The following UNC5C variants were observed in gnomAD, a reference collection of about 807,000 sequenced individuals.
UNC5C encodes netrin receptor UNC5C.
UNC5C carries 47 observed loss-of-function variants against 99.8 expected under a neutral mutation model. That is an observed-to-expected ratio of 0.47 (90% CI 0.37 to 0.60). UNC5C has a LOEUF of 0.60. UNC5C is among the 20% of genes least tolerant of loss of function. The pLI is 0.00. For synonymous variants in UNC5C, 487 were observed against 452.2 expected, an observed-to-expected ratio of 1.08 and a Z score of -0.98; for missense variants, 1,062 against 1,165.9, an observed-to-expected ratio of 0.91 and a Z score of 1.30.
intron 1 of UNC5C, among the ~76,000 whole-genome samples, chr4:95,372,491 G>C (rs193148838): frequency 2.1e-4 from 32 of 152,198 alleles, no homozygotes; most frequent in Admixed American, 2.0e-3. Flanking sequence ...GGGAAAGGTT[G>C]CTCTGTTAGG....
intron 4 of UNC5C, among the ~76,000 whole-genome samples, chr4:95,277,915 A>G (rs758503722): frequency 2.2e-4 from 34 of 152,358 alleles, no homozygotes; most frequent in Middle Eastern, 3.4e-3. Flanking sequence ...CATTTTTCGC[A>G]TATCAGCAAG....
intron 1 of UNC5C, among the ~76,000 whole-genome samples, chr4:95,503,529 T>C (rs17384439): frequency 0.036 from 5,430 of 152,236 alleles, 134 homozygotes; most frequent in Non-Finnish European, 0.054. Context: ...TAGAGAGTCA[T>C]TTGACATAAT....
intron 1 of UNC5C, among the ~76,000 whole-genome samples, chr4:95,388,752 T>C (rs1745277247): frequency 6.6e-6 from 1 of 152,180 alleles, no homozygotes. Flanking sequence ...TTATCTCCAT[T>C]CTAGAATGAG....
intron 1 of UNC5C, among the ~76,000 whole-genome samples, chr4:95,455,055 A>T (rs1212444774): frequency 2.0e-5 from 3 of 152,118 alleles, no homozygotes; most frequent in Non-Finnish European, 2.9e-5. Flanking sequence ...TAAGACTGAA[A>T]CAGAATGGAA....
intron 1 of UNC5C, among the ~76,000 whole-genome samples, chr4:95,477,266 T>C (rs960879172): frequency 1.6e-4 from 24 of 151,998 alleles, no homozygotes; most frequent in Non-Finnish European, 3.4e-4. Context: ...GCAGGCCACA[T>C]TTTTGGAAAT....
At chr4:95,193,980 T>C (rs1560725081) in intron 12 of UNC5C, among the ~76,000 whole-genome samples, 1 of 152,102 alleles carries the variant, frequency 6.6e-6, no homozygotes, top group Non-Finnish European at 1.5e-5. Context: ...CCTTACTTCT[T>C]CCCTAATAAT....
intron 1 of UNC5C, among the ~76,000 whole-genome samples, chr4:95,490,422 AC>A (rs1381737635): frequency 1.1e-4 from 17 of 151,608 alleles, no homozygotes; most frequent in African/African-American, 2.7e-4. Context: ...TATATAAAAA[AC>A]CCCTATGTTA....
intron 4 of UNC5C, among the ~76,000 whole-genome samples, chr4:95,265,453 TTC>T (rs1168595836): frequency 1.2e-4 from 18 of 152,204 alleles, no homozygotes; most frequent in Non-Finnish European, 2.2e-4. Context: ...GGAGTTGAAT[TTC>T]TCTTTTCCAT....
At chr4:95,539,712 A>G (rs1186722214) in intron 1 of UNC5C, among the ~76,000 whole-genome samples, 2 of 151,970 alleles carry the variant, frequency 1.3e-5, no homozygotes, top group East Asian at 3.9e-4. Flanking sequence ...AGTGAACTAT[A>G]TTTGTCTTCT....
intron 1 of UNC5C, among the ~76,000 whole-genome samples, chr4:95,446,573 T>C (rs1747113087): frequency 6.6e-6 from 1 of 151,912 alleles, no homozygotes; most frequent in African/African-American, 2.4e-5. Flanking sequence ...ATTTTGGAGG[T>C]GAGGAAAATG....
At chr4:95,280,699 A>ACAACAACAACAG (rs1479534746) in intron 3 of UNC5C, among the ~76,000 whole-genome samples, 2 of 151,882 alleles carry the variant, frequency 1.3e-5, no homozygotes, top group Non-Finnish European at 2.9e-5. Flanking sequence ...AACAACAACA[A>ACAACAACAACAG]CAACAACAAC....
At chr4:95,486,859 T>A (rs1721341707) in intron 1 of UNC5C, among the ~76,000 whole-genome samples, 2 of 151,712 alleles carry the variant, frequency 1.3e-5, no homozygotes, top group South Asian at 4.2e-4. Flanking sequence ...AAAAACCATT[T>A]GCTGGAAACT....
At chr4:95,475,071 C>T (rs1450753880) in intron 1 of UNC5C, among the ~76,000 whole-genome samples, 1 of 152,120 alleles carries the variant, frequency 6.6e-6, no homozygotes. Context: ...GCTATGTAGT[C>T]TAACAAGCAG....
chr4:95,487,676 A>C (rs1460429216), intron 1 of UNC5C, among the ~76,000 whole-genome samples: 1 of 151,710 alleles, frequency 6.6e-6, no homozygotes, highest in African/African-American at 2.4e-5. Context: ...ACTCTCTCCT[A>C]CCACATCCTA....
At chr4:95,269,681 T>C (rs1740584004) in intron 4 of UNC5C, among the ~76,000 whole-genome samples, 2 of 152,130 alleles carry the variant, frequency 1.3e-5, no homozygotes, top group African/African-American at 2.4e-5. Flanking sequence ...ATAATCTATG[T>C]ACCACAGTTA....
intron 3 of UNC5C, among the ~76,000 whole-genome samples, chr4:95,290,035 G>T (rs1269710591): frequency 3.3e-5 from 5 of 152,102 alleles, no homozygotes; most frequent in African/African-American, 7.2e-5. Flanking sequence ...TCGGTGCAGT[G>T]GCTCATACCT....
intron 1 of UNC5C, among the ~76,000 whole-genome samples, chr4:95,472,494 C>A (rs950543461): frequency 2.0e-5 from 3 of 152,084 alleles, no homozygotes; most frequent in Non-Finnish European, 4.4e-5. Context: ...TTGTCTCATT[C>A]TTTTTCATGT....
intron 1 of UNC5C, among the ~76,000 whole-genome samples, chr4:95,416,029 A>T (rs1190690563): frequency 6.6e-6 from 1 of 152,194 alleles, no homozygotes; most frequent in Admixed American, 6.5e-5. Context: ...GGGCATGTTA[A>T]GATAAAATTG....
At chr4:95,220,433 G>A (rs1030861260) in intron 7 of UNC5C, among the ~76,000 whole-genome samples, 2 of 151,958 alleles carry the variant, frequency 1.3e-5, no homozygotes, top group East Asian at 1.9e-4. Context: ...TTATTACTAG[G>A]CATATAAAGA....
Sources: allele counts gnomAD v4.1 joint callset (sites outside exome capture counted in the v4.1 genomes callset), GRCh38; gene constraint gnomAD v4.1.1; transcripts MANE v1.5; gene names NCBI Gene and HGNC (gene_info 2026-07-23, HGNC 2026-07-21).